Variants in TEF observed in about 807,000 individuals in gnomAD.
TEF encodes the protein TEF transcription factor, PAR bZIP family member.
TEF carries 3 observed loss-of-function variants against 20.8 expected under a neutral mutation model. That is an observed-to-expected ratio of 0.14 (90% confidence interval 0.07 to 0.37). The LOEUF is 0.37. Ranked by LOEUF, TEF falls within the 10% of genes least tolerant of loss-of-function variation. TEF has a pLI of 1.00. For synonymous variants in TEF, 180 were observed against 171.1 expected (o/e 1.05, Z -0.41); for missense variants, 296 against 397.9 (o/e 0.74, Z 2.18).
chr22:41,379,779 GCT>G (rs1569253457), upstream of TEF, among the ~76,000 whole-genome samples: 1 of 151,172 alleles, frequency 6.6e-6, no homozygotes, highest in African/African-American at 2.4e-5. Flanking sequence ...TGTAATCCCA[GCT>G]ATTCGGGAAG....
intron 1 of TEF, among the ~76,000 whole-genome samples, chr22:41,370,803 G>T (rs774756097): frequency 3.9e-5 from 6 of 152,102 alleles, no homozygotes; most frequent in Non-Finnish European, 8.8e-5. Context: ...AGCCCAGCCC[G>T]TGTAGACCTT....
chr22:41,371,881 C>T (rs1569250616), intron 1 of TEF, among the ~76,000 whole-genome samples: 1 of 152,072 alleles, frequency 6.6e-6, no homozygotes, highest in Admixed American at 6.6e-5. Context: ...CTTGCTGGGG[C>T]AGAGGCAGGG....
At chr22:41,393,072 G>A (rs1307937973) in intron 2 of TEF, among the ~76,000 whole-genome samples, 3 of 151,910 alleles carry the variant, frequency 2.0e-5, no homozygotes, top group Non-Finnish European at 4.4e-5. Context: ...CAGGTGCAGT[G>A]GCTCACACCT....
intron 1 of TEF, among the ~76,000 whole-genome samples, chr22:41,368,673 C>T (rs1260059093): frequency 6.6e-6 from 1 of 152,194 alleles, no homozygotes; most frequent in Non-Finnish European, 1.5e-5. Context: ...GAAGGACGTA[C>T]TGGGAGCTTA....
rs753178079 is a variant in TEF, at chr22:41,387,362, G to A, written c.169G>A (p.Gly57Arg). 3.7e-6 allele frequency: 6 copies of A among 1,614,168 alleles called. No homozygotes were observed. The Admixed American group carries it at 1.0e-4, about 27-fold the overall frequency. The part of the protein sequence containing the change: ...PREARLDKEK[G>R]KEKLEEDEAA... The stretch of plus-strand genomic sequence containing the variant: ...TTTTGTTTCTGCAGATAAGGAAAAG[G>A]GGAAGGAAAAGCTGGAGGAGGACGA... The change falls in exon 2 of 4, where the codon GGG (glycine) becomes AGG (arginine). Residue 57 changes from glycine to arginine, a missense_variant. By Grantham distance (125) the Gly-to-Arg change is moderately radical (BLOSUM62 -2). Transcript: ENST00000266304.
chr22:41,387,273 C>T, intron 1 of TEF, 78 bp from the exon 2 acceptor site: 1 of 1,498,868 alleles, frequency 6.7e-7, no homozygotes, highest in Non-Finnish European at 9.2e-7. Context: ...TGGGCCAGGC[C>T]TGTGAGGCTC....
upstream of TEF, among the ~76,000 whole-genome samples, chr22:41,380,558 C>G (rs1449165237): frequency 2.0e-5 from 3 of 152,206 alleles, no homozygotes; most frequent in Admixed American, 6.5e-5. Flanking sequence ...ATACCACCCC[C>G]CCAACCCCTC....
chr22:41,368,172 G>C (rs1466015231), intron 1 of TEF, among the ~76,000 whole-genome samples: 2 of 152,144 alleles, frequency 1.3e-5, no homozygotes, highest in Non-Finnish European at 2.9e-5. Flanking sequence ...CGTGGACTGA[G>C]GGGCAGACCT....
chr22:41,385,870 A>G (rs2037091587), intron 1 of TEF, among the ~76,000 whole-genome samples: 1 of 152,000 alleles, frequency 6.6e-6, no homozygotes, highest in Non-Finnish European at 1.5e-5. Flanking sequence ...TTTTTAGTAA[A>G]GACAGGGTTT....
rs2036852262 is a variant in TEF, at chr22:41,369,146, A to AGAAT, written c.67+1547_67+1548insGAAT. On this transcript the variant is annotated intron_variant, in intron 1 of 3. Transcript: ENST00000406644. Reference sequence around the variant, plus strand: ...GGGGCAGGGAGGATTCTCAGGGGCGACTCGGGGCACTGCTCCTCAGATGAG... The same window carrying AGAAT: ...GGGGCAGGGAGGATTCTCAGGGGCGAGAATCTCGGGGCACTGCTCCTCAGATGAG... 3 of 985,108 alleles carry AGAAT rather than the reference A, an allele frequency of 3.0e-6. No individual in the cohort carries two copies. The African/African-American group carries it at 5.2e-5, about 17-fold the overall frequency. 61.0% of individuals were successfully genotyped at this position (985,108 alleles called of 1,614,324 possible).
intron 1 of TEF, chr22:41,369,982 G>A (rs1463572696): frequency 1.0e-6 from 1 of 985,448 alleles, no homozygotes; most frequent in Non-Finnish European, 1.2e-6. Context: ...TAGGTCATGT[G>A]CAGAGCGTAT....
At chr22:41,371,218 G>C (rs900775136) in intron 1 of TEF, among the ~76,000 whole-genome samples, 2 of 152,164 alleles carry the variant, frequency 1.3e-5, no homozygotes, top group African/African-American at 4.8e-5. Flanking sequence ...TCTCCCATGG[G>C]GCCCTGGCCA....
At chr22:41,389,037 A>C (rs2037133912) in intron 2 of TEF, among the ~76,000 whole-genome samples, 1 of 152,148 alleles carries the variant, frequency 6.6e-6, no homozygotes, top group Non-Finnish European at 1.5e-5. Context: ...ACATAACGAA[A>C]ATACTAGTTT....
chr22:41,379,861 C>G (rs1281674564), upstream of TEF, among the ~76,000 whole-genome samples: 2 of 147,962 alleles, frequency 1.4e-5, no homozygotes. Flanking sequence ...CCATTGCACT[C>G]CAGCCTGGGC....
chr22:41,384,320 T>C (rs568825564), intron 1 of TEF, among the ~76,000 whole-genome samples: 2 of 152,218 alleles, frequency 1.3e-5, no homozygotes, highest in Admixed American at 6.5e-5. Context: ...ATTGCTCTCT[T>C]CTCTTTTTTT....
At chr22:41,395,571 C>A (rs140071864) in intron 3 of TEF, among the ~76,000 whole-genome samples, 174 bp from the exon 4 acceptor site, 1 of 152,068 alleles carries the variant, frequency 6.6e-6, no homozygotes, top group Non-Finnish European at 1.5e-5. Flanking sequence ...GTCCTGCCCC[C>A]GAGGAAAGGG....
At chr22:41,392,706 T>G (rs1182683097) in intron 2 of TEF, among the ~76,000 whole-genome samples, 1 of 138,092 alleles carries the variant, frequency 7.2e-6, no homozygotes, top group East Asian at 2.2e-4. Context: ...ACTAAGTGAC[T>G]AGATGGCACA....
chr22:41,378,772 C>T (rs1477092152), upstream of TEF, among the ~76,000 whole-genome samples: 1 of 152,144 alleles, frequency 6.6e-6, no homozygotes, highest in African/African-American at 2.4e-5. Context: ...ACGCCCAGCC[C>T]TGTATTGGTT....
chr22:41,382,319 A>G, intron 1 of TEF, 118 bp downstream of exon 1: 5 of 756,980 alleles, frequency 6.6e-6, no homozygotes, highest in Non-Finnish European at 8.3e-6. Flanking sequence ...GCGGAGGGGG[A>G]TGGGGCCTGG....
Sources: gnomAD v4.1 joint callset for allele counts (sites outside exome capture counted in the v4.1 genomes callset) on GRCh38, gnomAD v4.1.1 for gene constraint, MANE v1.5 for transcripts, NCBI Gene and HGNC (gene_info 2026-07-23, HGNC 2026-07-21) for gene names.